Variants in NLGN1 observed in about 807,000 individuals in gnomAD.
NLGN1 encodes the protein neuroligin-1.
NLGN1 carries 12 observed loss-of-function variants against 65.5 expected under a neutral mutation model. The observed-to-expected ratio is 0.18, with a 90% CI of 0.12 to 0.30. NLGN1 has a LOEUF of 0.30. Among genes scored for constraint, NLGN1 ranks in the 10% least tolerant of loss-of-function variants. The probability of loss-of-function intolerance (pLI) is 1.00; values close to 1 mark genes in which losing one functional copy is unlikely to be tolerated. For missense variants in NLGN1, 750 were observed against 1,007.1 expected, an observed-to-expected ratio of 0.74 and a Z score of 3.46; for synonymous variants, 350 against 359.5, an observed-to-expected ratio of 0.97 and a Z score of 0.30.
At chr3:174,243,858 A>G (rs1236111283) in intron 4 of NLGN1, among the ~76,000 whole-genome samples, 4 of 152,220 alleles carry the variant, frequency 2.6e-5, no homozygotes, top group Non-Finnish European at 5.9e-5. Flanking sequence ...CTCATGCTAC[A>G]GAGAACACTG....
intron 4 of NLGN1, among the ~76,000 whole-genome samples, chr3:173,995,454 A>T (rs1427554482): frequency 6.6e-6 from 1 of 152,136 alleles, no homozygotes; most frequent in African/African-American, 2.4e-5. Flanking sequence ...CCAAATTTTT[A>T]AAAAGGAGAC....
chr3:174,018,240 T>A (rs1043797034), intron 4 of NLGN1, among the ~76,000 whole-genome samples: 1 of 152,166 alleles, frequency 6.6e-6, no homozygotes, highest in African/African-American at 2.4e-5. Context: ...CTGTTCTTTT[T>A]TCAAGGTGCC....
At chr3:173,500,984 A>G (rs1324792704) in intron 2 of NLGN1, among the ~76,000 whole-genome samples, 1 of 152,182 alleles carries the variant, frequency 6.6e-6, no homozygotes, top group East Asian at 1.9e-4. Context: ...CACTAAAAAA[A>G]TAGCTACTGG....
chr3:173,959,716 CTG>C (rs1713066762), intron 4 of NLGN1, among the ~76,000 whole-genome samples: 1 of 152,084 alleles, frequency 6.6e-6, no homozygotes, highest in African/African-American at 2.4e-5. Context: ...TGCTATTAGT[CTG>C]AAATTTTTAA....
At chr3:174,166,593 TG>T (rs1408920831) in intron 4 of NLGN1, among the ~76,000 whole-genome samples, 1 of 152,130 alleles carries the variant, frequency 6.6e-6, no homozygotes, top group Non-Finnish European at 1.5e-5. Flanking sequence ...GCTTGCTTTA[TG>T]GACAAATATG....
intron 4 of NLGN1, among the ~76,000 whole-genome samples, chr3:173,859,280 G>A (rs1374434592): frequency 6.6e-6 from 1 of 152,088 alleles, no homozygotes; most frequent in Non-Finnish European, 1.5e-5. Flanking sequence ...GTCTCAAAGA[G>A]TTTACAATCT....
chr3:174,086,124 A>G (rs1188615689), intron 4 of NLGN1, among the ~76,000 whole-genome samples: 1 of 151,402 alleles, frequency 6.6e-6, no homozygotes, highest in Non-Finnish European at 1.5e-5. Flanking sequence ...TATTTTACCA[A>G]CTTTCTACAG....
At chr3:174,119,377 A>T (rs1461536494) in intron 4 of NLGN1, among the ~76,000 whole-genome samples, 1 of 152,214 alleles carries the variant, frequency 6.6e-6, no homozygotes, top group Non-Finnish European at 1.5e-5. Flanking sequence ...CATTATGCAT[A>T]GGTTTATCTC....
intron 4 of NLGN1, among the ~76,000 whole-genome samples, chr3:174,032,983 T>TATAGATATAG (rs1730333513): frequency 6.6e-6 from 1 of 150,994 alleles, no homozygotes; most frequent in South Asian, 2.1e-4. Flanking sequence ...TTAGGTCATA[T>TATAGATATAG]ATATAGATAT....
chr3:174,087,041 A>G (rs758436642), intron 4 of NLGN1, among the ~76,000 whole-genome samples: 12 of 152,166 alleles, frequency 7.9e-5, no homozygotes, highest in Non-Finnish European at 1.3e-4. Flanking sequence ...AACACTGCGC[A>G]TTCTCACATA....
At chr3:173,674,105 A>G (rs1427968564) in intron 3 of NLGN1, among the ~76,000 whole-genome samples, 2 of 152,176 alleles carry the variant, frequency 1.3e-5, no homozygotes, top group Non-Finnish European at 2.9e-5. Flanking sequence ...TTCCTGCCTC[A>G]TATATAGTCA....
intron 4 of NLGN1, among the ~76,000 whole-genome samples, chr3:173,970,845 G>A (rs1199132230): frequency 6.6e-6 from 1 of 152,180 alleles, no homozygotes; most frequent in Non-Finnish European, 1.5e-5. Context: ...TTCTTAAAAA[G>A]TGGACTTGAA....
chr3:173,455,907 T>A (rs1025806387), intron 2 of NLGN1, among the ~76,000 whole-genome samples: 4 of 152,026 alleles, frequency 2.6e-5, no homozygotes, highest in Non-Finnish European at 4.4e-5. Flanking sequence ...GAGATAATGA[T>A]ATAGATTCCA....
intron 1 of NLGN1, among the ~76,000 whole-genome samples, chr3:173,429,120 C>T (rs1716718587): frequency 1.3e-5 from 2 of 152,030 alleles, no homozygotes; most frequent in South Asian, 2.1e-4. Context: ...TCCTGGCGGT[C>T]GACGGCTATT....
chr3:174,063,701 A>G (rs1737883342), intron 4 of NLGN1, among the ~76,000 whole-genome samples: 1 of 152,140 alleles, frequency 6.6e-6, no homozygotes, highest in African/African-American at 2.4e-5. Context: ...AAACAGAGAG[A>G]CAGAGACAGA....
intron 4 of NLGN1, among the ~76,000 whole-genome samples, chr3:173,812,740 AC>A (rs1469293861): frequency 1.1e-4 from 15 of 139,460 alleles, no homozygotes; most frequent in Non-Finnish European, 1.7e-4. Flanking sequence ...GCACACACAT[AC>A]TATATATGTG....
At chr3:174,138,902 A>G (rs1721759535) in intron 4 of NLGN1, among the ~76,000 whole-genome samples, 1 of 152,204 alleles carries the variant, frequency 6.6e-6, no homozygotes, top group Admixed American at 6.5e-5. Flanking sequence ...AAAAAATTAA[A>G]TTATCTGGTT....
At position 174,280,558 on chromosome 3, in the gene NLGN1, C is replaced by G. The variant is rs771534105; in HGVS notation, c.1727C>G (p.Thr576Ser). The change falls in exon 7 of 7, where the codon ACC becomes AGC. Residue 576 changes from threonine to serine, a missense_variant. Transcript: ENST00000457714. The surrounding 1 kb of genome is among the most constrained non-coding windows in gnomAD (Gnocchi z 4.9). ...AACCGTTTTGAAGAAGTAGCATGGA[C>G]CAGATATTCCCAGAAAGACCAACTT... is the stretch of plus-strand genomic sequence containing the variant. 2 of 1,613,104 alleles carry G rather than the reference C, an allele frequency of 1.2e-6. No homozygotes were observed. The highest frequency in any genetic ancestry group is 3.3e-5 in the Admixed American group (2 of 59,896).
chr3:174,221,570 T>C (rs1738656063), intron 4 of NLGN1, among the ~76,000 whole-genome samples: 1 of 151,632 alleles, frequency 6.6e-6, no homozygotes, highest in Non-Finnish European at 1.5e-5. Flanking sequence ...AGCCAGATTC[T>C]TAGATAAGTT....
Sources: gnomAD v4.1 joint callset for allele counts (sites outside exome capture counted in the v4.1 genomes callset) on GRCh38, gnomAD v4.1.1 for gene constraint, Gnocchi (gnomAD v3.1) non-coding constraint, MANE v1.5 for transcripts, NCBI Gene and HGNC (gene_info 2026-07-23, HGNC 2026-07-21) for gene names.